The following RAB38 variants were observed in gnomAD, a reference collection of about 807,000 sequenced individuals.
The protein encoded by RAB38 is ras-related protein Rab-38.
A neutral mutation model predicts 18.4 loss-of-function variants in RAB38; 15 were observed. The ratio of observed to expected loss-of-function variants is 0.82; its 90% CI spans 0.55 to 1.26. The LOEUF (loss-of-function observed/expected upper bound fraction) is 1.26. Among genes scored for constraint, RAB38 ranks in the 50% most tolerant of loss-of-function variants. The pLI, the probability that RAB38 is intolerant of heterozygous loss-of-function variation, is 0.00. For synonymous variants in RAB38, 101 were observed against 104.4 expected, an observed-to-expected ratio of 0.97 and a Z score of 0.20; for missense variants, 294 against 267.4, an observed-to-expected ratio of 1.10 and a Z score of -0.69.
At chr11:87,933,712 A>AC in the RAB38 span, among the ~76,000 whole-genome samples, 1 of 152,036 alleles carries the variant, frequency 6.6e-6, no homozygotes, top group Non-Finnish European at 1.5e-5. Flanking sequence ...GGAGCCAAAA[A>AC]AAAAAAAAAA....
At chr11:88,139,871 T>C (rs1052372677) in intron 2 of RAB38, among the ~76,000 whole-genome samples, 26 of 152,274 alleles carry the variant, frequency 1.7e-4, no homozygotes, top group Non-Finnish European at 3.2e-4. Flanking sequence ...ATGAAAATAA[T>C]TGAAAATCCT....
the RAB38 span, among the ~76,000 whole-genome samples, chr11:87,838,374 A>G: frequency 1.3e-5 from 2 of 152,194 alleles, no homozygotes; most frequent in African/African-American, 2.4e-5. Flanking sequence ...TTGGCCTCCC[A>G]AAGTGCTGGG....
chr11:87,940,642 G>A, the RAB38 span, among the ~76,000 whole-genome samples: 1 of 151,844 alleles, frequency 6.6e-6, no homozygotes, highest in Admixed American at 6.6e-5. Context: ...CAGAGAGAGA[G>A]AGAAAGAAAG....
the RAB38 span, among the ~76,000 whole-genome samples, chr11:88,090,978 G>C: frequency 6.6e-6 from 1 of 151,940 alleles, no homozygotes; most frequent in Non-Finnish European, 1.5e-5. Context: ...TTAACAGAAA[G>C]TCAAATAAGA....
chr11:88,068,398 G>C, the RAB38 span, among the ~76,000 whole-genome samples: 43 of 152,056 alleles, frequency 2.8e-4, no homozygotes, highest in African/African-American at 1.0e-3. Flanking sequence ...CAATAAATAT[G>C]AACTTATGCT....
the RAB38 span, among the ~76,000 whole-genome samples, chr11:87,848,378 G>C: frequency 1.1e-4 from 17 of 152,082 alleles, no homozygotes; most frequent in Non-Finnish European, 2.1e-4. Flanking sequence ...ATGATTTATA[G>C]TAAGAATGAA....
chr11:88,110,249 C>A (rs1036197529), downstream of RAB38, among the ~76,000 whole-genome samples: 1 of 152,112 alleles, frequency 6.6e-6, no homozygotes, highest in Non-Finnish European at 1.5e-5. Context: ...CCATCATTCT[C>A]AGCAAACTAA....
At chr11:87,937,870 GTTTTTTT>G in the RAB38 span, among the ~76,000 whole-genome samples, 22 of 92,006 alleles carry the variant, frequency 2.4e-4, no homozygotes, top group African/African-American at 7.0e-4. Context: ...TCATTGAAGT[GTTTTTTT>G]TTTTTTTTTT....
intron 2 of RAB38, chr11:88,115,541 T>G (rs551973066): frequency 4.9e-4 from 75 of 152,336 alleles, no homozygotes; most frequent in African/African-American, 1.8e-3. Flanking sequence ...ACTTTGGAGT[T>G]CCAGACAAGT....
chr11:87,913,730 T>C, the RAB38 span, among the ~76,000 whole-genome samples: 2 of 152,092 alleles, frequency 1.3e-5, no homozygotes, highest in African/African-American at 4.8e-5. Context: ...GACTGACGCT[T>C]TGAGAGCAGG....
the RAB38 span, among the ~76,000 whole-genome samples, chr11:87,846,569 G>A: frequency 6.6e-6 from 1 of 151,058 alleles, no homozygotes; most frequent in Non-Finnish European, 1.5e-5. Flanking sequence ...AATAAAAAAT[G>A]TACAGAATTA....
the RAB38 span, among the ~76,000 whole-genome samples, chr11:88,092,517 C>T: frequency 6.7e-6 from 1 of 149,546 alleles, no homozygotes; most frequent in Non-Finnish European, 1.5e-5. Context: ...TCACTCATTC[C>T]CACTATGAGT....
the RAB38 span, among the ~76,000 whole-genome samples, chr11:87,975,331 C>G: frequency 1.5e-4 from 23 of 152,020 alleles, no homozygotes; most frequent in African/African-American, 5.5e-4. Context: ...ATCCAGAATT[C>G]TACATTCAGC....
chr11:88,122,593 A>C (rs1942644504), intron 2 of RAB38, among the ~76,000 whole-genome samples: 1 of 152,252 alleles, frequency 6.6e-6, no homozygotes, highest in South Asian at 2.1e-4. Context: ...TGTTACATAC[A>C]TAATCTCATT....
At chr11:88,123,381 G>T (rs1039540167) in intron 2 of RAB38, among the ~76,000 whole-genome samples, 2 of 152,208 alleles carry the variant, frequency 1.3e-5, no homozygotes, top group Non-Finnish European at 2.9e-5. Flanking sequence ...TTGGAAGAGT[G>T]ACCAGTTCAG....
chr11:88,009,412 C>T, the RAB38 span, among the ~76,000 whole-genome samples: 5 of 152,014 alleles, frequency 3.3e-5, no homozygotes, highest in Non-Finnish European at 5.9e-5. Flanking sequence ...CATCTATAAA[C>T]AAGAGATATA....
the RAB38 span, among the ~76,000 whole-genome samples, chr11:87,835,685 G>A: frequency 2.0e-5 from 3 of 152,158 alleles, no homozygotes; most frequent in Admixed American, 6.6e-5. Flanking sequence ...AGAGGGAGAT[G>A]TCCATCTACA....
At chr11:87,925,725 T>A in the RAB38 span, among the ~76,000 whole-genome samples, 1 of 152,044 alleles carries the variant, frequency 6.6e-6, no homozygotes, top group African/African-American at 2.4e-5. Context: ...AGAAGGCAGA[T>A]GACTGCAAAA....
chr11:87,977,738 T>C, the RAB38 span, among the ~76,000 whole-genome samples: 1 of 17,090 alleles, frequency 5.9e-5, no homozygotes, highest in African/African-American at 2.8e-4. Flanking sequence ...ACATATGTTA[T>C]ATATTCTATA....
Sources: allele counts gnomAD v4.1 joint callset (sites outside exome capture counted in the v4.1 genomes callset), GRCh38; gene constraint gnomAD v4.1.1; transcripts MANE v1.5; gene names NCBI Gene and HGNC (gene_info 2026-07-23, HGNC 2026-07-21).